Variants in RAPGEF6 observed in about 807,000 individuals in gnomAD.
The protein encoded by RAPGEF6 is PDZ domain containing guanine nucleotide exchange factor (GEF) 2.
In RAPGEF6, 56 loss-of-function variants were observed where a neutral mutation model predicts 171.4. The observed-to-expected ratio is 0.33, with a 90% CI of 0.26 to 0.41. The LOEUF (loss-of-function observed/expected upper bound fraction) is 0.41, where lower values mean the gene tolerates loss of function less well. Ranked by LOEUF, RAPGEF6 falls within the 10% of genes least tolerant of loss-of-function variation. The probability of loss-of-function intolerance (pLI) is 1.00; values close to 1 mark genes in which losing one functional copy is unlikely to be tolerated. For synonymous variants in RAPGEF6, 692 were observed against 650.1 expected (o/e 1.06, Z -0.98); for missense variants, 1,674 against 1,921.4 (o/e 0.87, Z 2.41).
At chr5:131,561,843 A>G in intron 5 of RAPGEF6, 135 bp downstream of exon 5, 1 of 644,650 alleles carries the variant, frequency 1.6e-6, no homozygotes, top group Non-Finnish European at 2.7e-6. Flanking sequence ...AACCTGGTAG[A>G]TAGTTCTGAT....
chr5:131,432,684 T>G (rs2149806352), intron 25 of RAPGEF6, among the ~76,000 whole-genome samples: 1 of 151,970 alleles, frequency 6.6e-6, no homozygotes, highest in South Asian at 2.1e-4. Flanking sequence ...GCCATTTGTT[T>G]ATGTGTTGTC....
intron 15 of RAPGEF6, 46 bp from the exon 16 acceptor site, chr5:131,479,799 A>T (rs771657943): frequency 3.8e-5 from 60 of 1,578,432 alleles, no homozygotes; most frequent in Non-Finnish European, 5.0e-5. Context: ...TCTCTTCAGA[A>T]AATTTTTATA....
intron 3 of RAPGEF6, among the ~76,000 whole-genome samples, chr5:131,598,266 A>G (rs1448366774): frequency 6.6e-6 from 1 of 152,204 alleles, no homozygotes; most frequent in Non-Finnish European, 1.5e-5. Context: ...ATAAGGCAGT[A>G]GAAAATGGGA....
intron 4 of RAPGEF6, among the ~76,000 whole-genome samples, chr5:131,586,980 C>T (rs929586816): frequency 5.5e-4 from 83 of 152,172 alleles, no homozygotes; most frequent in African/African-American, 2.0e-3. Flanking sequence ...AAGTCTGTGC[C>T]CTTTGCTGTG....
chr5:131,439,934 AT>A, intron 23 of RAPGEF6: 1 of 763,946 alleles, frequency 1.3e-6, no homozygotes, highest in Non-Finnish European at 2.0e-6. Context: ...CATGGACCAG[AT>A]TATATTAGTT....
chr5:131,566,260 T>C (rs897776522), intron 4 of RAPGEF6, among the ~76,000 whole-genome samples: 1 of 152,192 alleles, frequency 6.6e-6, no homozygotes, highest in African/African-American at 2.4e-5. Context: ...CTTCTGTATG[T>C]CTAGTTTGTT....
At chr5:131,530,904 T>C (rs1187127929) in intron 6 of RAPGEF6, among the ~76,000 whole-genome samples, 1 of 152,218 alleles carries the variant, frequency 6.6e-6, no homozygotes, top group Non-Finnish European at 1.5e-5. Context: ...TAAACCTTTG[T>C]AGTATAGTGC....
At chr5:131,488,844 T>C (rs999303139) in intron 15 of RAPGEF6, among the ~76,000 whole-genome samples, 6 of 152,228 alleles carry the variant, frequency 3.9e-5, no homozygotes, top group African/African-American at 1.2e-4. Flanking sequence ...TCAATTGCTG[T>C]ATGATTTTTA....
intron 1 of RAPGEF6, among the ~76,000 whole-genome samples, chr5:131,610,509 T>C (rs1484231616): frequency 1.3e-5 from 2 of 152,200 alleles, no homozygotes; most frequent in African/African-American, 2.4e-5. Context: ...GGTTATTCCT[T>C]TACCTCACTG....
intron 6 of RAPGEF6, among the ~76,000 whole-genome samples, chr5:131,544,341 C>T (rs897022489): frequency 2.6e-5 from 4 of 151,974 alleles, no homozygotes; most frequent in Admixed American, 2.0e-4. Flanking sequence ...GTGGTACATT[C>T]ATACAATGAA....
chr5:131,571,853 ACCACCGC>A (rs1366089289), intron 4 of RAPGEF6, among the ~76,000 whole-genome samples: 1 of 152,014 alleles, frequency 6.6e-6, no homozygotes, highest in African/African-American at 2.4e-5. Context: ...CATTCCCGCC[ACCACCGC>A]CCCCAGCCTG....
At chr5:131,514,155 T>C (rs903277355) in intron 7 of RAPGEF6, among the ~76,000 whole-genome samples, 4 of 152,186 alleles carry the variant, frequency 2.6e-5, no homozygotes, top group Non-Finnish European at 4.4e-5. Context: ...ATTAAGAGTA[T>C]ACATGAGCAT....
chr5:131,551,115 C>T (rs916826413), intron 5 of RAPGEF6, among the ~76,000 whole-genome samples: 1 of 152,178 alleles, frequency 6.6e-6, no homozygotes, highest in Non-Finnish European at 1.5e-5. Context: ...AAGGTATACA[C>T]AAGGCCATAT....
chr5:131,523,919 A>G (rs1758685646), intron 6 of RAPGEF6, among the ~76,000 whole-genome samples: 1 of 152,184 alleles, frequency 6.6e-6, no homozygotes. Flanking sequence ...TAGCCAGGAA[A>G]AAAAACCAGA....
chr5:131,563,454 T>A (rs1472372098), intron 4 of RAPGEF6, among the ~76,000 whole-genome samples: 2 of 152,104 alleles, frequency 1.3e-5, no homozygotes, highest in Non-Finnish European at 2.9e-5. Context: ...ATAACAAAAT[T>A]CTAATCAAAA....
chr5:131,529,483 A>AT lies in RAPGEF6; in HGVS notation c.496-7963_496-7962insA, dbSNP rs1554079307. 3.2e-3 allele frequency among the ~76,000 whole-genome samples: 478 copies of AT among 150,464 alleles called. 2 individuals carry two copies. Among genetic ancestry groups the AT allele is most frequent in the African/African-American group, 0.011 (438 of 40,966 alleles). ...AGAGCGAGACTCTGTCAAAAAAAAA[A>AT]AATAATAATCTCACAACTGAAGACG... is the stretch of plus-strand genomic sequence containing the variant. On this transcript the variant is annotated intron_variant, in intron 6 of 27. Transcript: ENST00000509018.
rs955219618 is a variant in RAPGEF6, at chr5:131,424,641, A to C, written c.*2625T>G. On this transcript the variant is annotated 3_prime_UTR_variant, in exon 28 of 28. Coordinates refer to ENST00000509018, the MANE Select transcript of RAPGEF6 (RefSeq NM_016340.6). ...TTATCACCCTCAAGAAAATTCACTAAAGGCTTTTTCTCCCCAAAGATCATA... is the reference window on the plus strand; with the variant it reads ...TTATCACCCTCAAGAAAATTCACTACAGGCTTTTTCTCCCCAAAGATCATA... The C allele has an allele frequency of 5.3e-5, 8 of 152,316 alleles. No individual in the cohort carries two copies. The highest frequency in any genetic ancestry group is 1.9e-4 in the African/African-American group (8 of 41,440). 9.4% of individuals were successfully genotyped at this position (152,316 alleles called of 1,614,324 possible). A position where few individuals can be genotyped will look rare whatever the true frequency, so the allele number is the denominator to read the frequency against.
chr5:131,617,200 T>C (rs1292550040), intron 1 of RAPGEF6, among the ~76,000 whole-genome samples: 1 of 152,128 alleles, frequency 6.6e-6, no homozygotes, highest in Non-Finnish European at 1.5e-5. Flanking sequence ...TCCCAGCTAC[T>C]CAGGAGGCTG....
chr5:131,507,151 T>G (rs537686662), intron 9 of RAPGEF6, among the ~76,000 whole-genome samples: 1 of 139,562 alleles, frequency 7.2e-6, no homozygotes, highest in East Asian at 2.0e-4. Context: ...TTTTTACTTA[T>G]ATATATAATA....
Sources: allele counts gnomAD v4.1 joint callset (sites outside exome capture counted in the v4.1 genomes callset), GRCh38; gene constraint gnomAD v4.1.1; transcripts MANE v1.5; gene names NCBI Gene and HGNC (gene_info 2026-07-23, HGNC 2026-07-21).